LAMA2: variants seen among roughly 807,000 people sequenced by gnomAD.
LAMA2 encodes the protein laminin subunit alpha 2, also known as laminin subunit alpha-2.
Under a neutral mutation model 364.8 loss-of-function variants are expected in LAMA2, and 269 were observed. The ratio of observed to expected loss-of-function variants is 0.74; its 90% CI spans 0.67 to 0.82. LAMA2 has a LOEUF of 0.82. Among genes scored for constraint, LAMA2 ranks in the 40% least tolerant of loss-of-function variants. LAMA2 has a pLI of 0.00. For missense variants in LAMA2, 3,807 were observed against 3,873.2 expected (o/e 0.98, Z 0.45); for synonymous variants, 1,379 against 1,370.6 (o/e 1.01, Z -0.14).
intron 12 of LAMA2, among the ~76,000 whole-genome samples, chr6:129,206,531 G>A (rs1167012874): frequency 1.3e-5 from 2 of 152,046 alleles, no homozygotes; most frequent in Non-Finnish European, 2.9e-5. Context: ...AAATTGTTTG[G>A]CATGTTTAAT....
chr6:129,031,141 A>G (rs1287183962), intron 1 of LAMA2, among the ~76,000 whole-genome samples: 1 of 152,206 alleles, frequency 6.6e-6, no homozygotes, highest in Non-Finnish European at 1.5e-5. Context: ...AACAGCTGCT[A>G]GAGAACAAAG....
intron 1 of LAMA2, among the ~76,000 whole-genome samples, chr6:128,965,979 G>GTTTTTTTTTT (rs11342050): frequency 2.0e-4 from 22 of 112,802 alleles, no homozygotes; most frequent in Non-Finnish European, 2.0e-4. Flanking sequence ...TAAACCAGAG[G>GTTTTTTTTTT]TTTTTTTTTT....
Position 129,285,819 on chromosome 6 carries a change from A to G in LAMA2, c.2538-2028A>G, listed in dbSNP as rs572079591. Among the ~76,000 whole-genome samples, 3 of 152,274 alleles carry G rather than the reference A, an allele frequency of 2.0e-5. No homozygotes were observed. In the South Asian group the frequency reaches 6.2e-4, roughly 32 times the overall value. ...GCACTCAAATTTTATTGCATATTTT[A>G]TAATACAGAATTAACAAACAATTAT... On this transcript the variant is annotated intron_variant, in intron 18 of 64. Transcript: ENST00000421865.
At chr6:129,024,901 A>C (rs7758291) in intron 1 of LAMA2, among the ~76,000 whole-genome samples, 91,118 of 151,876 alleles carry the variant, frequency 0.6, 29,942 homozygotes, top group East Asian at 0.96. Flanking sequence ...GCACACTATG[A>C]TTATGCCTAT....
chr6:128,990,862 A>G (rs976503801), intron 1 of LAMA2, among the ~76,000 whole-genome samples: 2 of 152,276 alleles, frequency 1.3e-5, no homozygotes, highest in Non-Finnish European at 1.5e-5. Context: ...ATATATCTCT[A>G]TATATGCATA....
chr6:129,401,075 TA>T, intron 37 of LAMA2, 148 bp from the exon 38 acceptor site: 4 of 726,030 alleles, frequency 5.5e-6, no homozygotes, highest in South Asian at 3.0e-5. Flanking sequence ...ACTGGCTAAG[TA>T]GTTTATATTT....
intron 1 of LAMA2, among the ~76,000 whole-genome samples, chr6:129,042,544 C>T (rs903770821): frequency 7.3e-5 from 11 of 151,190 alleles, no homozygotes; most frequent in Non-Finnish European, 1.5e-4. Context: ...ATTATCACCC[C>T]GTGTAACATT....
At chr6:129,186,244 T>A (rs1781223773) in intron 10 of LAMA2, among the ~76,000 whole-genome samples, 1 of 151,730 alleles carries the variant, frequency 6.6e-6, no homozygotes, top group South Asian at 2.1e-4. Flanking sequence ...AATAACTTTT[T>A]AAAATTCATC....
chr6:129,379,853 C>T (rs17057200), intron 34 of LAMA2, among the ~76,000 whole-genome samples: 9,543 of 152,194 alleles, frequency 0.063, 371 homozygotes, highest in East Asian at 0.14. Context: ...GCAAGCATAG[C>T]ACCAGGCATA....
chr6:128,903,535 T>C (rs184659422), intron 1 of LAMA2, among the ~76,000 whole-genome samples: 3 of 152,310 alleles, frequency 2.0e-5, no homozygotes, highest in Admixed American at 1.3e-4. Context: ...TGGCTACTGT[T>C]GGTTTGAAAT....
intron 3 of LAMA2, among the ~76,000 whole-genome samples, chr6:129,093,627 A>G (rs1774984946): frequency 1.3e-5 from 2 of 152,224 alleles, no homozygotes; most frequent in Non-Finnish European, 2.9e-5. Context: ...ACACTAAATG[A>G]GATCAAGTTC....
chr6:129,411,471 A>G (rs1241835171), intron 40 of LAMA2, among the ~76,000 whole-genome samples: 1 of 152,050 alleles, frequency 6.6e-6, no homozygotes, highest in Non-Finnish European at 1.5e-5. Context: ...AGAAGCCTAG[A>G]AAAAATAACA....
At chr6:129,376,222 G>A (rs1014598184) in intron 34 of LAMA2, among the ~76,000 whole-genome samples, 3 of 152,084 alleles carry the variant, frequency 2.0e-5, no homozygotes, top group Non-Finnish European at 4.4e-5. Flanking sequence ...GAGGGTATAA[G>A]CCAGAAACCT....
At chr6:129,223,746 C>A (rs1784044090) in intron 12 of LAMA2, among the ~76,000 whole-genome samples, 2 of 152,238 alleles carry the variant, frequency 1.3e-5, no homozygotes, top group East Asian at 3.9e-4. Flanking sequence ...GTTACTGTAG[C>A]CTTGTAGTAT....
chr6:129,068,521 A>C (rs1343111871), intron 3 of LAMA2, among the ~76,000 whole-genome samples: 1 of 152,194 alleles, frequency 6.6e-6, no homozygotes, highest in African/African-American at 2.4e-5. Flanking sequence ...TTCATTTATA[A>C]GGGTACTAAT....
At chr6:129,219,942 A>G (rs2115094037) in intron 12 of LAMA2, among the ~76,000 whole-genome samples, 1 of 151,976 alleles carries the variant, frequency 6.6e-6, no homozygotes, top group Admixed American at 6.6e-5. Context: ...CACATGGTGC[A>G]CATGTACCCT....
At chr6:128,970,322 T>A (rs1782111841) in intron 1 of LAMA2, among the ~76,000 whole-genome samples, 1 of 152,192 alleles carries the variant, frequency 6.6e-6, no homozygotes, top group African/African-American at 2.4e-5. Context: ...GAGTCTGAAT[T>A]CAAAGCATAA....
chr6:129,022,334 G>A (rs1293038947), intron 1 of LAMA2, among the ~76,000 whole-genome samples: 2 of 152,080 alleles, frequency 1.3e-5, no homozygotes, highest in Non-Finnish European at 2.9e-5. Context: ...TGCTGTTAAC[G>A]TTTTTGCTTA....
At chr6:129,292,536 T>A (rs1479391846) in intron 20 of LAMA2, among the ~76,000 whole-genome samples, 1 of 152,204 alleles carries the variant, frequency 6.6e-6, no homozygotes, top group African/African-American at 2.4e-5. Flanking sequence ...TACAGCATGT[T>A]GTTCTCAGTC....
Sources: allele counts gnomAD v4.1 joint callset (sites outside exome capture counted in the v4.1 genomes callset), GRCh38; gene constraint gnomAD v4.1.1; transcripts MANE v1.5; gene names NCBI Gene and HGNC (gene_info 2026-07-23, HGNC 2026-07-21).